ITGA9: variants seen among roughly 807,000 people sequenced by gnomAD.
The protein encoded by ITGA9 is integrin alpha-9.
A neutral mutation model predicts 127.8 loss-of-function variants in ITGA9; 56 were observed. The ratio of observed to expected loss-of-function variants is 0.44; its 90% confidence interval spans 0.35 to 0.55. ITGA9 has a LOEUF of 0.55. ITGA9 is among the 20% of genes least tolerant of loss of function. ITGA9 has a pLI of 0.00. For synonymous variants in ITGA9, 508 were observed against 514.5 expected (o/e 0.99, Z 0.17); for missense variants, 1,196 against 1,347.1 (o/e 0.89, Z 1.76).
rs550819108 is a variant in ITGA9, at chr3:37,455,538, A to G, written c.185+2979A>G. On this transcript the variant is annotated intron_variant, in intron 1 of 27. Coordinates refer to ENST00000264741, the MANE Select transcript of ITGA9 (RefSeq NM_002207.3). Reference sequence around the variant, plus strand: ...ACCTACATGGGGGTGACTTAAAAGGATCACAAATACTCGTCAAAATGAGTG... The same window carrying G: ...ACCTACATGGGGGTGACTTAAAAGGGTCACAAATACTCGTCAAAATGAGTG... Among the ~76,000 whole-genome samples, 12 of 152,322 alleles carry G rather than the reference A, an allele frequency of 7.9e-5. No individual in the cohort carries two copies. The South Asian group carries it at 1.9e-3, about 24-fold the overall frequency.
At chr3:37,579,137 CT>C (rs1699679867) in intron 15 of ITGA9, among the ~76,000 whole-genome samples, 1 of 152,154 alleles carries the variant, frequency 6.6e-6, no homozygotes, top group African/African-American at 2.4e-5. Flanking sequence ...TCATGAGCCC[CT>C]CCTTCTCTTG....
At chr3:37,620,828 C>T (rs979781929) in intron 15 of ITGA9, among the ~76,000 whole-genome samples, 4 of 152,218 alleles carry the variant, frequency 2.6e-5, no homozygotes, top group South Asian at 4.1e-4. Flanking sequence ...ATTCTTCCCT[C>T]ATTGGATTGC....
At chr3:37,762,309 G>A (rs1559591150) in intron 23 of ITGA9, among the ~76,000 whole-genome samples, 1 of 152,208 alleles carries the variant, frequency 6.6e-6, no homozygotes, top group Non-Finnish European at 1.5e-5. Flanking sequence ...ATACAGGGGA[G>A]GCTTCAGAAT....
At position 37,484,657 on chromosome 3, in the gene ITGA9, C is replaced by T. The variant is rs1392008729; in HGVS notation, c.544+3050C>T. 2.0e-5 allele frequency among the ~76,000 whole-genome samples: 3 copies of T among 152,184 alleles called. No individual in the cohort carries two copies. The East Asian group carries it at 5.8e-4, about 29-fold the overall frequency. On this transcript the variant is annotated intron_variant, in intron 4 of 27. Coordinates refer to ENST00000264741, the MANE Select transcript of ITGA9 (RefSeq NM_002207.3). The stretch of plus-strand genomic sequence containing the variant: ...GAGTTTTTCTTTCTAATCTGTTATT[C>T]ACATGCCACACAATGGAGAGGCAGA...
chr3:37,569,229 C>A (rs1219486128), intron 15 of ITGA9, among the ~76,000 whole-genome samples: 1 of 152,176 alleles, frequency 6.6e-6, no homozygotes, highest in Admixed American at 6.5e-5. Context: ...GGGAACTCCT[C>A]ATTATAAAAC....
chr3:37,484,679 C>T (rs1381363208), intron 4 of ITGA9, among the ~76,000 whole-genome samples: 1 of 152,202 alleles, frequency 6.6e-6, no homozygotes, highest in East Asian at 1.9e-4. Flanking sequence ...AATGGAGAGG[C>T]AGAGTAGCTT....
chr3:37,791,745 C>T (rs1697114200), intron 26 of ITGA9, among the ~76,000 whole-genome samples: 1 of 151,986 alleles, frequency 6.6e-6, no homozygotes, highest in Non-Finnish European at 1.5e-5. Context: ...GTGAGTTGCC[C>T]CTTCACACCA....
At chr3:37,578,816 A>G (rs1241075615) in intron 15 of ITGA9, among the ~76,000 whole-genome samples, 1 of 121,610 alleles carries the variant, frequency 8.2e-6, no homozygotes, top group Admixed American at 8.6e-5. Flanking sequence ...CTTCATCATG[A>G]TGGGAGGGAA....
At chr3:37,796,999 G>T (rs867703754) in intron 26 of ITGA9, among the ~76,000 whole-genome samples, 2 of 152,088 alleles carry the variant, frequency 1.3e-5, no homozygotes, top group Admixed American at 6.5e-5. Context: ...CCTTGAGTTT[G>T]TTCAGTGCAG....
chr3:37,791,423 C>A (rs575292185), intron 26 of ITGA9, among the ~76,000 whole-genome samples: 1 of 152,074 alleles, frequency 6.6e-6, no homozygotes. Flanking sequence ...AGAATGGATT[C>A]GAAGGCTATC....
chr3:37,561,850 G>A (rs753855005), intron 15 of ITGA9, among the ~76,000 whole-genome samples: 5 of 152,186 alleles, frequency 3.3e-5, no homozygotes, highest in South Asian at 2.1e-4. Flanking sequence ...GCCTTCCGGG[G>A]ACTCATCTCT....
chr3:37,483,964 T>C (rs1698582921), intron 4 of ITGA9, among the ~76,000 whole-genome samples: 1 of 152,214 alleles, frequency 6.6e-6, no homozygotes. Context: ...TTAGTTTGTT[T>C]TTTAGGGTTT....
intron 15 of ITGA9, among the ~76,000 whole-genome samples, chr3:37,590,272 C>T (rs1254153427): frequency 6.6e-6 from 1 of 152,204 alleles, no homozygotes; most frequent in Non-Finnish European, 1.5e-5. Flanking sequence ...GTCCTCAGGC[C>T]ACCCTAGCCC....
intron 15 of ITGA9, among the ~76,000 whole-genome samples, chr3:37,620,364 TCCCTGC>T (rs1451641232): frequency 6.6e-6 from 1 of 152,076 alleles, no homozygotes; most frequent in Non-Finnish European, 1.5e-5. Flanking sequence ...CCATAGTCCC[TCCCTGC>T]CCCTCCCCCG....
At chr3:37,516,840 C>T (rs1179915328) in intron 9 of ITGA9, among the ~76,000 whole-genome samples, 1 of 152,096 alleles carries the variant, frequency 6.6e-6, no homozygotes, top group Non-Finnish European at 1.5e-5. Context: ...GTAGGTATGA[C>T]TTTTTCCCCC....
chr3:37,512,189 CT>C (rs1559524964), intron 8 of ITGA9, among the ~76,000 whole-genome samples: 17 of 28,762 alleles, frequency 5.9e-4, no homozygotes, highest in African/African-American at 1.6e-3. Flanking sequence ...CTTTTCTTTT[CT>C]TTTCTTTTCT....
At chr3:37,598,030 C>A (rs1293732246) in intron 15 of ITGA9, among the ~76,000 whole-genome samples, 1 of 152,220 alleles carries the variant, frequency 6.6e-6, no homozygotes, top group Non-Finnish European at 1.5e-5. Context: ...CTATTTGCAA[C>A]AGTCACTAAT....
At chr3:37,529,390 T>C (rs1319736170) in intron 13 of ITGA9, among the ~76,000 whole-genome samples, 1 of 151,618 alleles carries the variant, frequency 6.6e-6, no homozygotes, top group Non-Finnish European at 1.5e-5. Context: ...TTGTTGGAGG[T>C]GGCAGGGGGA....
intron 17 of ITGA9, among the ~76,000 whole-genome samples, chr3:37,670,922 T>A (rs1048651398): frequency 6.6e-6 from 1 of 152,238 alleles, no homozygotes; most frequent in Non-Finnish European, 1.5e-5. Context: ...ATGATGGCCC[T>A]GCTAACCTGG....
Sources: gnomAD v4.1 joint callset for allele counts (sites outside exome capture counted in the v4.1 genomes callset) on GRCh38, gnomAD v4.1.1 for gene constraint, MANE v1.5 for transcripts, NCBI Gene and HGNC (gene_info 2026-07-23, HGNC 2026-07-21) for gene names.